Variants in IQGAP3 observed in about 807,000 individuals in gnomAD.
IQGAP3 encodes ras GTPase-activating-like protein IQGAP3.
In IQGAP3, 165 loss-of-function variants were observed where a neutral mutation model predicts 208.2. The observed-to-expected ratio is 0.79, with a 90% confidence interval of 0.70 to 0.90. The LOEUF (loss-of-function observed/expected upper bound fraction) is 0.90, where lower values mean the gene tolerates loss of function less well. Among genes scored for constraint, IQGAP3 ranks in the 40% least tolerant of loss-of-function variants. IQGAP3 has a pLI of 0.00. For missense variants in IQGAP3, 1,811 were observed against 2,043.1 expected (o/e 0.89, Z 2.19); for synonymous variants, 703 against 803.6 (o/e 0.87, Z 2.12).
At chr1:156,528,272 C>G (rs1041810957) in intron 36 of IQGAP3, among the ~76,000 whole-genome samples, 1 of 152,194 alleles carries the variant, frequency 6.6e-6, no homozygotes, top group African/African-American at 2.4e-5. Context: ...CGCAGCTGTT[C>G]TCACCTCTGG....
Position 156,566,409 on chromosome 1 carries a change from A to G in IQGAP3, c.263T>C (p.Val88Ala). 6.2e-7 allele frequency: 1 copy of G among 1,614,196 alleles called. No individual in the cohort carries two copies. Among genetic ancestry groups the G allele is most frequent in the Non-Finnish European group, 8.5e-7 (1 of 1,180,018 alleles). ...SVVPLKKIYD[V>A]EQLRYQATGL... The stretch of plus-strand genomic sequence containing the variant: ...TCCCACCTGGTACCGCAGCTGCTCC[A>G]CATCGTAGATCTTCTTCAAGGGAAC... Residue 88 changes from valine (V) to alanine (A), a missense_variant, in exon 3 of 38, where the codon GTG (valine) becomes GCG (alanine). By Grantham distance (64) the Val-to-Ala change is moderately conservative. Coordinates refer to ENST00000361170, the MANE Select transcript of IQGAP3 (RefSeq NM_178229.5).
At chr1:156,543,373 C>T (rs933490096) in intron 22 of IQGAP3, among the ~76,000 whole-genome samples, 1 of 152,096 alleles carries the variant, frequency 6.6e-6, no homozygotes, top group African/African-American at 2.4e-5. Context: ...AGCCTCAAGG[C>T]CAGGAAGGAA....
At chr1:156,533,681 G>T in intron 31 of IQGAP3, 92 bp downstream of exon 31, 2 of 991,332 alleles carry the variant, frequency 2.0e-6, no homozygotes, top group Non-Finnish European at 3.1e-6. Flanking sequence ...GACCTAGGCT[G>T]CATGGGCACG....
rs1428998032 is a variant in IQGAP3 at position 156,525,479 on chromosome 1, A to G, written c.*1007T>C. ...AGTTGGGTAGATGTGGGGACAACAG[A>G]GAGACTGTGGCAGAGGCAGGACTGC... On this transcript the variant is annotated 3_prime_UTR_variant, in exon 38 of 38. Coordinates refer to ENST00000361170, the MANE Select transcript of IQGAP3 (RefSeq NM_178229.5). The G allele has an allele frequency of 1.3e-5, 2 of 152,664 alleles. No homozygotes were observed. The highest frequency in any genetic ancestry group is 4.1e-4 in the South Asian group (2 of 4,834). The allele number at this position is 152,664 out of a possible 1,614,324, so 9.5% of individuals were successfully genotyped here.
chr1:156,539,938 G>T lies in IQGAP3; in HGVS notation c.2792C>A (p.Ser931Ter), dbSNP rs763852472. The change falls in exon 24 of 38, where the codon TCA becomes TAA. Residue 931 changes from serine (S) to a stop codon, truncating the protein, a stop_gained. Transcript: ENST00000361170. LOFTEE classifies it high-confidence loss of function. ...CTGCTTGTCCAGAACCATCATATCTGACAGCTGTTCCTTATTCCTCTTGGT... is the reference window on the plus strand; with the variant it reads ...CTGCTTGTCCAGAACCATCATATCTTACAGCTGTTCCTTATTCCTCTTGGT... Reference protein sequence around the residue: ...KLTKRNKEQLSDMMVLDKQKG... With the variant: ...KLTKRNKEQL The T allele has an allele frequency of 6.2e-7, 1 of 1,614,084 alleles. No homozygotes were observed. The highest frequency in any genetic ancestry group is 2.2e-5 in the East Asian group (1 of 44,866).
intron 37 of IQGAP3, 58 bp from the exon 38 acceptor site, chr1:156,526,657 A>T: frequency 8.3e-7 from 1 of 1,205,484 alleles, no homozygotes; most frequent in South Asian, 1.2e-5. Context: ...GTCCAGTCAG[A>T]TGGTGTACAA....
intron 18 of IQGAP3, 35 bp downstream of exon 18, chr1:156,548,313 C>T (rs200213675): frequency 7.5e-6 from 12 of 1,609,906 alleles, no homozygotes; most frequent in Middle Eastern, 3.3e-4. Context: ...ACATTCCTAT[C>T]CAAGATCCCC....
rs987825640 is a variant in IQGAP3, at chr1:156,531,096, G to C, written c.4191+64C>G. On this transcript the variant is annotated intron_variant, in intron 33 of 37. Transcript: ENST00000361170. ...AGGTTCAGAGGAGGGAAACAGCAGCGGTGCAGGTGGGATGAGGTGGGGGAT... is the reference window on the plus strand; with the variant it reads ...AGGTTCAGAGGAGGGAAACAGCAGCCGTGCAGGTGGGATGAGGTGGGGGAT... The C allele has an allele frequency of 3.2e-5, 36 of 1,109,398 alleles. No individual in the cohort carries two copies. In the Admixed American group the frequency reaches 4.7e-4, roughly 15 times the overall value. 68.7% of individuals were successfully genotyped at this position (1,109,398 alleles called of 1,614,324 possible). A position where few individuals can be genotyped will look rare whatever the true frequency, so the allele number is the denominator to read the frequency against.
intron 13 of IQGAP3, among the ~76,000 whole-genome samples, chr1:156,552,314 T>G (rs1052286802): frequency 6.6e-6 from 1 of 152,168 alleles, no homozygotes; most frequent in Admixed American, 6.5e-5. Context: ...TCAGACCTCT[T>G]CTCTCTCCAT....
At chr1:156,550,785 C>G (rs1490473213) in intron 15 of IQGAP3, among the ~76,000 whole-genome samples, 1 of 152,210 alleles carries the variant, frequency 6.6e-6, no homozygotes, top group African/African-American at 2.4e-5. Flanking sequence ...AATCCTGACC[C>G]TGACCCTTAC....
chr1:156,527,886 GC>G, intron 37 of IQGAP3, 65 bp downstream of exon 37: 2 of 1,075,406 alleles, frequency 1.9e-6, no homozygotes, highest in Non-Finnish European at 2.9e-6. Context: ...GAGGCCAGCT[GC>G]TCTCTTCAGG....
In IQGAP3 at chr1:156,528,606, A is replaced by G; in HGVS notation, c.4576T>C (p.Ser1526Pro). The change falls in exon 36 of 38, where the codon TCT (serine) becomes CCT (proline). Residue 1526 changes from serine (S) to proline (P), a missense_variant. Ser to Pro is a moderately conservative substitution (Grantham distance 74). Coordinates refer to ENST00000361170, the MANE Select transcript of IQGAP3 (RefSeq NM_178229.5). ...GAAGGCTGCTTCTTCCCCTTCCCAG[A>G]ACTCCTGATTAAAAGAAGGCCCCAG... Reference protein sequence around the residue: ...LDHLAPDSKSSGKGKKQPSLH... With the variant: ...LDHLAPDSKSPGKGKKQPSLH... The G allele has an allele frequency of 6.2e-7, 1 of 1,611,662 alleles. No individual in the cohort carries two copies. Among genetic ancestry groups the G allele is most frequent in the East Asian group, 2.2e-5 (1 of 44,868 alleles).
intron 35 of IQGAP3, 32 bp from the exon 36 acceptor site, chr1:156,528,642 C>T: frequency 2.6e-6 from 4 of 1,529,634 alleles, no homozygotes; most frequent in Non-Finnish European, 3.6e-6. Flanking sequence ...AGAATTCATC[C>T]AATAAACACT....
chr1:156,538,720 A>C (rs1674827115), intron 26 of IQGAP3, 89 bp downstream of exon 26: 5 of 1,091,874 alleles, frequency 4.6e-6, no homozygotes, highest in Non-Finnish European at 5.5e-6. Context: ...CCTTCAAAGT[A>C]CACCCAAGCT....
chr1:156,569,525 G>GTT, intron 1 of IQGAP3, 62 bp from the exon 2 acceptor site: 1 of 554,706 alleles, frequency 1.8e-6, no homozygotes, highest in South Asian at 2.8e-5. Flanking sequence ...AGCACTGAAG[G>GTT]GTCTTTTTTT....
chr1:156,567,464 C>T (rs1486899404), intron 2 of IQGAP3, among the ~76,000 whole-genome samples: 1 of 152,188 alleles, frequency 6.6e-6, no homozygotes, highest in Non-Finnish European at 1.5e-5. Flanking sequence ...ACCTGTATTT[C>T]CTTCAGTGGG....
Position 156,550,281 on chromosome 1 carries a change from T to C in IQGAP3, c.1805A>G (p.Asp602Gly), listed in dbSNP as rs961353816. ...IRQGVVRANQ[D>G]TNTAQRMALG... ...TTTACTTCTCTGAGCTGTATTAGTG[T>C]CCTGGTTGGCTCTGACCACTCCCTG... The change falls in exon 16 of 38, where the codon GAC becomes GGC. Residue 602 changes from aspartate (D) to glycine (G), a missense_variant. Asp to Gly is a moderately conservative substitution (Grantham distance 94). Coordinates refer to ENST00000361170, the MANE Select transcript of IQGAP3 (RefSeq NM_178229.5). 4 of 1,613,186 alleles carry C rather than the reference T, an allele frequency of 2.5e-6. No homozygotes were observed. The highest frequency in any genetic ancestry group is 3.4e-6 in the Non-Finnish European group (4 of 1,179,310).
At chr1:156,570,706 C>T (rs918727489) in intron 1 of IQGAP3, among the ~76,000 whole-genome samples, 1 of 152,208 alleles carries the variant, frequency 6.6e-6, no homozygotes. Flanking sequence ...GACTGGTTCT[C>T]ACCATGTTGC....
At position 156,564,631 on chromosome 1, in the gene IQGAP3, A is replaced by T. The variant is rs555005068; in HGVS notation, c.421T>A (p.Cys141Ser). The T allele has an allele frequency of 2.5e-6, 4 of 1,613,400 alleles. No individual in the cohort carries two copies. Among genetic ancestry groups the T allele is most frequent in the Non-Finnish European group, 3.4e-6 (4 of 1,179,298 alleles). ...GTCTCTCACCTGAGAGCATGGATGC[A>T]GTAGACTACCCGGGGCATGTTCTTT... ...DKKNMPRVVY[C>S]IHALSLFLFR... The change falls in exon 5 of 38, where the codon TGC (cysteine) becomes AGC (serine). Residue 141 changes from cysteine to serine, a missense_variant. Coordinates refer to ENST00000361170, the MANE Select transcript of IQGAP3 (RefSeq NM_178229.5).
Sources: gnomAD v4.1 joint callset for allele counts (sites outside exome capture counted in the v4.1 genomes callset) on GRCh38, gnomAD v4.1.1 for gene constraint, MANE v1.5 for transcripts, NCBI Gene and HGNC (gene_info 2026-07-23, HGNC 2026-07-21) for gene names.